The following OAT variants were observed in gnomAD, a reference collection of about 807,000 sequenced individuals.
OAT encodes the protein ornithine aminotransferase, also known as ornithine aminotransferase, mitochondrial.
Under a neutral mutation model 48.4 loss-of-function variants are expected in OAT, and 35 were observed. The observed-to-expected ratio is 0.72, with a 90% CI of 0.55 to 0.96. The LOEUF is 0.96. Among genes scored for constraint, OAT ranks in the 40% least tolerant of loss-of-function variants. OAT has a pLI of 0.00. For missense variants in OAT, 438 were observed against 537.9 expected (o/e 0.81, Z 1.84); for synonymous variants, 182 against 198.4 (o/e 0.92, Z 0.70).
intron 4 of OAT, among the ~76,000 whole-genome samples, chr10:124,408,311 GTGTGTGTATATA>G (rs1386164719): frequency 9.7e-5 from 6 of 61,608 alleles, no homozygotes; most frequent in African/African-American, 5.0e-4. Flanking sequence ...GTGTGTGTGT[GTGTGTGTATATA>G]TATATATATA....
chr10:124,403,430 A>G (rs1325519612), intron 6 of OAT: 4 of 413,164 alleles, frequency 9.7e-6, no homozygotes, highest in Non-Finnish European at 1.8e-5. Flanking sequence ...CTCAAATGGT[A>G]AACAAAATAT....
chr10:124,410,672 C>T (rs1951719442), intron 2 of OAT, among the ~76,000 whole-genome samples: 2 of 152,104 alleles, frequency 1.3e-5, no homozygotes, highest in African/African-American at 2.4e-5. Context: ...GTAAGGCACA[C>T]CTGTAGTCCC....
chr10:124,412,095 G>A lies in OAT; in HGVS notation c.77C>T (p.Thr26Ile), dbSNP rs759845878. The A allele has an allele frequency of 6.2e-6, 10 of 1,614,056 alleles. No homozygotes were observed. In the East Asian group the frequency reaches 2.0e-4, roughly 32 times the overall value. Residue 26 changes from threonine to isoleucine, a missense_variant, in exon 2 of 10, where the codon ACA (threonine) becomes ATA (isoleucine). Coordinates refer to ENST00000368845, the MANE Select transcript of OAT (RefSeq NM_000274.4). Reference sequence around the variant, plus strand: ...GACTGTTTTTTTAGTTGCAACAGATGTAGCAGAAGCCACTGAAGAATGAAC... The same window carrying A: ...GACTGTTTTTTTAGTTGCAACAGATATAGCAGAAGCCACTGAAGAATGAAC... Reference protein sequence around the residue: ...RGVHSSVASATSVATKKTVQG... With the variant: ...RGVHSSVASAISVATKKTVQG...
In OAT at chr10:124,403,054, A is replaced by T. The variant is rs746547714; in HGVS notation, c.773T>A (p.Val258Asp). ...CTGTATTTCATCAGCAATAAAGAGA[A>T]CCTATTGGGGAAAAAAAATACCCCT... is the stretch of plus-strand genomic sequence containing the variant. ...GVRELCTRHQ[V>D]LFIADEIQTG... The change falls in exon 7 of 10, where the codon GTT (valine) becomes GAT (aspartate). Residue 258 changes from valine (V) to aspartate (D), a missense_variant and splice_region_variant. Transcript: ENST00000368845. 5.8e-5 allele frequency: 94 copies of T among 1,613,834 alleles called. No individual in the cohort carries two copies. Among genetic ancestry groups the T allele is most frequent in the Non-Finnish European group, 7.7e-5 (91 of 1,180,018 alleles).
chr10:124,415,163 T>A (rs964975297), intron 1 of OAT: 1 of 147,766 alleles, frequency 6.8e-6, no homozygotes, highest in Non-Finnish European at 1.5e-5. Flanking sequence ...ATAAAAGTTA[T>A]CTGCACAGCT....
At chr10:124,403,773 T>TA in intron 6 of OAT, 25 bp downstream of exon 6, 1 of 1,613,902 alleles carries the variant, frequency 6.2e-7, no homozygotes, top group Non-Finnish European at 8.5e-7. Context: ...CATTCAGCCT[T>TA]ATCACAAACA....
In OAT at chr10:124,397,831, A is replaced by AG; in HGVS notation, c.*110dup. ...CTGAAAAAAATATATTCAAAAAAAA[A>AG]GTTTTTGAAGACTCATGGGAGTGGA... On this transcript the variant is annotated 3_prime_UTR_variant, in exon 10 of 10. Coordinates refer to ENST00000368845, the MANE Select transcript of OAT (RefSeq NM_000274.4). 4.0e-6 allele frequency: 5 copies of AG among 1,254,864 alleles called. No individual in the cohort carries two copies. Among genetic ancestry groups the AG allele is most frequent in the Non-Finnish European group, 5.7e-6 (5 of 878,172 alleles). 77.7% of individuals were successfully genotyped at this position (1,254,864 alleles called of 1,614,324 possible).
chr10:124,413,768 G>A (rs1365114884), intron 1 of OAT, among the ~76,000 whole-genome samples: 1 of 152,104 alleles, frequency 6.6e-6, no homozygotes, highest in Non-Finnish European at 1.5e-5. Flanking sequence ...ACTACAATCC[G>A]TTACTTGTAT....
chr10:124,405,780 T>C (rs987172829), intron 4 of OAT: 1 of 1,340,314 alleles, frequency 7.5e-7, no homozygotes, highest in Admixed American at 3.0e-5. Flanking sequence ...GTAATTCCTA[T>C]TTTAGGCATT....
At chr10:124,404,022 A>G in intron 5 of OAT, 102 bp from the exon 6 acceptor site, 1 of 1,401,814 alleles carries the variant, frequency 7.1e-7, no homozygotes, top group Non-Finnish European at 1.0e-6. Context: ...ATGCAAATCA[A>G]GTTTTCGCAC....
chr10:124,408,555 CT>C lies in OAT; in HGVS notation c.506del (p.Lys169ArgfsTer61). On this transcript the variant is annotated frameshift_variant, in exon 4 of 10. Transcript: ENST00000368845. LOFTEE classifies it high-confidence loss of function. Reference protein sequence around the residue: ...TVKGIQKYKAKIVFAAGNFWG... With the variant: ...TVKGIQKYKAXIVFAAGNFWG... ...AATTTCACATACCTGCAAAAACAAT[CT>C]TTGCTTTGTATTTCTGAATGCCCTT... is the stretch of plus-strand genomic sequence containing the variant. 6.2e-7 allele frequency: 1 copy of C among 1,610,812 alleles called. No individual in the cohort carries two copies. The highest frequency in any genetic ancestry group is 1.1e-5 in the South Asian group (1 of 90,966).
chr10:124,408,283 AAGTGTG>A (rs1564735639), intron 4 of OAT, among the ~76,000 whole-genome samples: 2 of 109,976 alleles, frequency 1.8e-5, no homozygotes, highest in African/African-American at 6.3e-5. Context: ...TAAAATATAT[AAGTGTG>A]TGTGTGTGTG....
At position 124,401,694 on chromosome 10, in the gene OAT, A is replaced by G. The variant is rs1951412916; in HGVS notation, c.1014+32T>C. ...AAATCACTTCAACATTGCTTTAAAGAATAGACACTGTGTGGCTGTATCAGT... is the reference window on the plus strand; with the variant it reads ...AAATCACTTCAACATTGCTTTAAAGGATAGACACTGTGTGGCTGTATCAGT... On this transcript the variant is annotated intron_variant, in intron 8 of 9. Coordinates refer to ENST00000368845, the MANE Select transcript of OAT (RefSeq NM_000274.4). The G allele has an allele frequency of 1.0e-5, 14 of 1,400,662 alleles. No individual in the cohort carries two copies. The East Asian group carries it at 3.2e-4, about 32-fold the overall frequency. The allele number at this position is 1,400,662 out of a possible 1,614,324, so 86.8% of individuals were successfully genotyped here.
At chr10:124,417,268 A>G (rs891542526) in intron 1 of OAT, among the ~76,000 whole-genome samples, 1 of 148,702 alleles carries the variant, frequency 6.7e-6, no homozygotes, top group African/African-American at 2.5e-5. Context: ...AAAACTGTAA[A>G]CCCAAAACTA....
rs1436830615 is a variant in OAT at position 124,403,055 on chromosome 10, C to T, written c.772G>A (p.Val258Ile). Reference sequence around the variant, plus strand: ...TGTATTTCATCAGCAATAAAGAGAACCTATTGGGGAAAAAAAATACCCCTA... The same window carrying T: ...TGTATTTCATCAGCAATAAAGAGAATCTATTGGGGAAAAAAAATACCCCTA... ...GVRELCTRHQ[V>I]LFIADEIQTG... Residue 258 changes from valine (V) to isoleucine (I), a missense_variant and splice_region_variant, in exon 7 of 10, where the codon GTT (valine) becomes ATT (isoleucine). Physicochemically the swap from Val to Ile is conservative, Grantham distance 29 (BLOSUM62 3). Transcript: ENST00000368845. 2 of 1,613,726 alleles carry T rather than the reference C, an allele frequency of 1.2e-6. No individual in the cohort carries two copies. The highest frequency in any genetic ancestry group is 1.3e-5 in the African/African-American group (1 of 74,888).
intron 9 of OAT, among the ~76,000 whole-genome samples, chr10:124,399,379 TCTG>T (rs1201899686): frequency 7.9e-6 from 1 of 126,082 alleles, no homozygotes; most frequent in Admixed American, 1.1e-4. Context: ...GGAGTCTCAC[TCTG>T]CCGCCCAGGC....
chr10:124,397,793 T>C lies in OAT; in HGVS notation c.*149A>G. On this transcript the variant is annotated 3_prime_UTR_variant, in exon 10 of 10. Coordinates refer to ENST00000368845, the MANE Select transcript of OAT (RefSeq NM_000274.4). ...AACGGCAGGTTCATAAACGTTGTTC[T>C]ATTATGTATCAACTGAAAAAAATAT... 3 of 768,950 alleles carry C rather than the reference T, an allele frequency of 3.9e-6. No individual in the cohort carries two copies. Among genetic ancestry groups the C allele is most frequent in the East Asian group, 2.6e-5 (1 of 38,346 alleles). The allele number at this position is 768,950 out of a possible 1,614,324, so 47.6% of individuals were successfully genotyped here.
Position 124,397,720 on chromosome 10 carries a change from T to C in OAT, c.*222A>G, listed in dbSNP as rs1388206534. The C allele has an allele frequency of 1.9e-6, 1 of 534,622 alleles. No individual in the cohort carries two copies. Among genetic ancestry groups the C allele is most frequent in the South Asian group, 2.1e-5 (1 of 47,996 alleles). 33.1% of individuals were successfully genotyped at this position (534,622 alleles called of 1,614,324 possible). A position where few individuals can be genotyped will look rare whatever the true frequency, so the allele number is the denominator to read the frequency against. On this transcript the variant is annotated 3_prime_UTR_variant, in exon 10 of 10. Coordinates refer to ENST00000368845, the MANE Select transcript of OAT (RefSeq NM_000274.4). ...AAGTACACATGCACATCAAAACACT[T>C]CAACTGAATATAGATGCCATTACAT...
rs1475838100 is a variant in OAT at position 124,403,492 on chromosome 10, G to A, written c.771+306C>T. On this transcript the variant is annotated intron_variant, in intron 6 of 9. Transcript: ENST00000368845. ...GGAGAGAATACAACAAAGGGCTTGCGGGGGCTCAGAGTGAAAGGCTCTTAG... is the reference window on the plus strand; with the variant it reads ...GGAGAGAATACAACAAAGGGCTTGCAGGGGCTCAGAGTGAAAGGCTCTTAG... 3.3e-5 allele frequency among the ~76,000 whole-genome samples: 5 copies of A among 152,144 alleles called. No homozygotes were observed. The East Asian group carries it at 7.7e-4, about 23-fold the overall frequency.
Sources: allele counts gnomAD v4.1 joint callset (sites outside exome capture counted in the v4.1 genomes callset), GRCh38; gene constraint gnomAD v4.1.1; transcripts MANE v1.5; gene names NCBI Gene and HGNC (gene_info 2026-07-23, HGNC 2026-07-21).